Variants in ABLIM1 observed in about 807,000 individuals in gnomAD.
ABLIM1 encodes actin binding LIM protein 1.
A neutral mutation model predicts 107.0 loss-of-function variants in ABLIM1; 40 were observed. The observed-to-expected ratio is 0.37, with a 90% CI of 0.29 to 0.49. ABLIM1 has a LOEUF of 0.49. Among genes scored for constraint, ABLIM1 ranks in the 20% least tolerant of loss-of-function variants. ABLIM1 has a pLI of 0.97. For missense variants in ABLIM1, 857 were observed against 1,008.5 expected, an observed-to-expected ratio of 0.85 and a Z score of 2.04; for synonymous variants, 357 against 357.3, an observed-to-expected ratio of 1.00 and a Z score of 0.01.
At chr10:114,597,383 GTC>G (rs2075525540) in intron 2 of ABLIM1, among the ~76,000 whole-genome samples, 1 of 152,022 alleles carries the variant, frequency 6.6e-6, no homozygotes, top group South Asian at 2.1e-4. Flanking sequence ...TTTGGAATAA[GTC>G]TGAAAAATGG....
chr10:114,443,666 G>A (rs1396922433), intron 17 of ABLIM1, among the ~76,000 whole-genome samples: 4 of 92,350 alleles, frequency 4.3e-5, no homozygotes, highest in South Asian at 7.2e-4. Flanking sequence ...TCTTATTCAT[G>A]TTATCTAAAA....
chr10:114,681,487 G>A (rs943691357), intron 1 of ABLIM1, among the ~76,000 whole-genome samples: 3 of 152,166 alleles, frequency 2.0e-5, no homozygotes, highest in South Asian at 2.1e-4. Flanking sequence ...GAGCCATCAC[G>A]CCTGGCCTAA....
chr10:114,435,382 T>C lies in ABLIM1; in HGVS notation c.*878A>G, dbSNP rs2059271081. On this transcript the variant is annotated 3_prime_UTR_variant, in exon 23 of 23. Coordinates refer to ENST00000533213, the MANE Select transcript of ABLIM1 (RefSeq NM_002313.7). ...CTTTTTGGTTTTTTTTGGCCATGAA[T>C]GATATGGCCCCTATGCAAAATCACC... 1 of 152,202 alleles carries C rather than the reference T, an allele frequency of 6.6e-6. No individual in the cohort carries two copies. The highest frequency in any genetic ancestry group is 1.5e-5 in the Non-Finnish European group (1 of 68,048). 9.4% of individuals were successfully genotyped at this position (152,202 alleles called of 1,614,324 possible).
In ABLIM1 at chr10:114,592,183, T is replaced by G. The variant is rs528151919; in HGVS notation, c.379+9644A>C. On this transcript the variant is annotated intron_variant, in intron 2 of 22. Coordinates refer to ENST00000533213, the MANE Select transcript of ABLIM1 (RefSeq NM_002313.7). ...ATATGTGCACACACATACACAGTTA[T>G]GTACACATATACATATCAGATGGTG... is the stretch of plus-strand genomic sequence containing the variant. 4.6e-5 allele frequency among the ~76,000 whole-genome samples: 7 copies of G among 152,314 alleles called. No individual in the cohort carries two copies. The South Asian group carries it at 1.5e-3, about 32-fold the overall frequency.
chr10:114,670,994 A>G (rs1814868403), intron 1 of ABLIM1, among the ~76,000 whole-genome samples: 2 of 152,234 alleles, frequency 1.3e-5, no homozygotes, highest in Admixed American at 1.3e-4. Context: ...GAATTTTTAC[A>G]TGTGTGTACA....
At chr10:114,752,117 T>C (rs1410100082) in intron 1 of ABLIM1, among the ~76,000 whole-genome samples, 4 of 152,158 alleles carry the variant, frequency 2.6e-5, no homozygotes, top group Non-Finnish European at 5.9e-5. Flanking sequence ...CAAAGTAAAA[T>C]TGAGTCATCT....
At chr10:114,635,845 G>T (rs1389130159) in intron 1 of ABLIM1, among the ~76,000 whole-genome samples, 3 of 152,148 alleles carry the variant, frequency 2.0e-5, no homozygotes, top group African/African-American at 7.2e-5. Flanking sequence ...TTAGCTAAAA[G>T]CATGCTCAGA....
the ABLIM1 span, among the ~76,000 whole-genome samples, chr10:114,786,018 C>T: frequency 2.4e-4 from 36 of 152,220 alleles, no homozygotes; most frequent in Middle Eastern, 3.4e-3. Context: ...CATGAGCCAC[C>T]GCACCTGGCC....
chr10:114,660,005 T>G, upstream of ABLIM1, among the ~76,000 whole-genome samples: 1 of 152,198 alleles, frequency 6.6e-6, no homozygotes, highest in Non-Finnish European at 1.5e-5. Flanking sequence ...TTTGCTAGAA[T>G]TATTCTATGC....
intron 2 of ABLIM1, among the ~76,000 whole-genome samples, chr10:114,586,465 T>C (rs2483578): frequency 0.28 from 42,335 of 152,080 alleles, 7,651 homozygotes; most frequent in African/African-American, 0.51. Context: ...AAAAAGTAGA[T>C]AGGATTAGAC....
At chr10:114,525,187 T>G (rs1026745047) in intron 6 of ABLIM1, among the ~76,000 whole-genome samples, 1 of 152,216 alleles carries the variant, frequency 6.6e-6, no homozygotes, top group Admixed American at 6.5e-5. Flanking sequence ...TGCAACAAAC[T>G]ATAATCCCAT....
At position 114,440,017 on chromosome 10, in the gene ABLIM1, G is replaced by C. The variant is rs113670797; in HGVS notation, c.2067+65C>G. 80 of 1,612,910 alleles carry C rather than the reference G, an allele frequency of 5.0e-5. No individual in the cohort carries two copies. The African/African-American group carries it at 8.1e-4, about 16-fold the overall frequency. ...AGAAACTGTTGCCTTGGAGCCAGCAGTCTGGGTTGGAACATGGCTGTTCTA... is the reference window on the plus strand; with the variant it reads ...AGAAACTGTTGCCTTGGAGCCAGCACTCTGGGTTGGAACATGGCTGTTCTA... On this transcript the variant is annotated intron_variant, in intron 20 of 22. Transcript: ENST00000533213.
intron 1 of ABLIM1, among the ~76,000 whole-genome samples, chr10:114,611,704 T>C (rs1200499834): frequency 6.6e-6 from 1 of 152,190 alleles, no homozygotes; most frequent in Non-Finnish European, 1.5e-5. Context: ...TATAAATCAC[T>C]TGGCGCACTT....
intron 1 of ABLIM1, among the ~76,000 whole-genome samples, chr10:114,663,396 C>G (rs1466562140): frequency 1.3e-5 from 2 of 152,190 alleles, no homozygotes; most frequent in Non-Finnish European, 2.9e-5. Flanking sequence ...GCCTTTGTCA[C>G]CCTGTTTCCT....
At chr10:114,675,998 T>TCTTA (rs2080465000) in intron 1 of ABLIM1, among the ~76,000 whole-genome samples, 1 of 152,180 alleles carries the variant, frequency 6.6e-6, no homozygotes, top group African/African-American at 2.4e-5. Flanking sequence ...CATGACCTCA[T>TCTTA]CTTAACTTGA....
chr10:114,460,269 C>T (rs2063589705), intron 12 of ABLIM1, among the ~76,000 whole-genome samples: 1 of 152,116 alleles, frequency 6.6e-6, no homozygotes, highest in Non-Finnish European at 1.5e-5. Flanking sequence ...GCCCATTTCC[C>T]AAGAATGCTG....
intron 1 of ABLIM1, among the ~76,000 whole-genome samples, chr10:114,722,073 G>A (rs1003436122): frequency 4.6e-5 from 7 of 152,196 alleles, no homozygotes; most frequent in African/African-American, 9.7e-5. Flanking sequence ...GCTTGATTTA[G>A]AAGTTCAGAT....
chr10:114,460,457 T>C (rs1055303475), intron 12 of ABLIM1, among the ~76,000 whole-genome samples: 1 of 152,004 alleles, frequency 6.6e-6, no homozygotes, highest in Non-Finnish European at 1.5e-5. Flanking sequence ...GAAAATTAGC[T>C]AGGCGTGGTG....
Position 114,658,175 on chromosome 10 carries a change from C to G in ABLIM1, c.26G>C (p.Cys9Ser), listed in dbSNP as rs1204565284. 2 of 1,608,890 alleles carry G rather than the reference C, an allele frequency of 1.2e-6. No individual in the cohort carries two copies. Among genetic ancestry groups the G allele is most frequent in the African/African-American group, 2.7e-5 (2 of 74,770 alleles). ...CTCAGAGCTGCACAATTTCCCCAGA[C>G]ACTTTAGACCAAGGAAGGCAGGCAT... MPAFLGLK[C>S]LGKLCSSEKS... is the part of the protein sequence containing the mutation. The change falls in exon 1 of 23, where the codon TGT (cysteine) becomes TCT (serine). Residue 9 changes from cysteine to serine, a missense_variant. Cys to Ser is a moderately radical substitution (Grantham distance 112). This residue lies in a region of ABLIM1 where 176 missense variants were observed against 173.5 expected (regional missense o/e 1.01). Transcript: ENST00000533213.
Sources: allele counts gnomAD v4.1 joint callset (sites outside exome capture counted in the v4.1 genomes callset), GRCh38; gene constraint gnomAD v4.1.1; regional missense constraint gnomAD v4.1.1; transcripts MANE v1.5; gene names NCBI Gene and HGNC (gene_info 2026-07-23, HGNC 2026-07-21).